The following SRP54 variants were observed in gnomAD, a reference collection of about 807,000 sequenced individuals.
The protein encoded by SRP54 is signal recognition particle 54, also known as signal recognition particle subunit SRP54.
SRP54 carries 10 observed loss-of-function variants against 64.8 expected under a neutral mutation model. That is an observed-to-expected ratio of 0.15 (90% CI 0.10 to 0.26). The LOEUF is 0.26. SRP54 is among the 10% of genes least tolerant of loss of function. The probability of loss-of-function intolerance (pLI) is 1.00; values close to 1 mark genes in which losing one functional copy is unlikely to be tolerated. For synonymous variants in SRP54, 193 were observed against 185.6 expected, an observed-to-expected ratio of 1.04 and a Z score of -0.32; for missense variants, 325 against 613.7, an observed-to-expected ratio of 0.53 and a Z score of 4.97.
intron 3 of SRP54, among the ~76,000 whole-genome samples, chr14:35,000,242 G>T (rs192652841): frequency 1.3e-3 from 200 of 152,236 alleles, no homozygotes; most frequent in South Asian, 3.1e-3. Flanking sequence ...ACTGAGATTA[G>T]TTGTGGGACT....
intron 10 of SRP54, among the ~76,000 whole-genome samples, chr14:35,014,285 T>TG (rs1555354840): frequency 9.8e-6 from 1 of 102,144 alleles, no homozygotes; most frequent in South Asian, 3.5e-4. Flanking sequence ...CTTTTTTTTT[T>TG]TTTTTTTTTG....
Position 34,996,736 on chromosome 14 carries a change from A to G in SRP54, c.27A>G (p.Lys9=), listed in dbSNP as rs2044078482. MVLADLGR[K]ITSALRSLSN... The stretch of plus-strand genomic sequence containing the variant: ...TGGTTCTAGCAGACCTTGGAAGAAA[A>G]ATAACATCAGCATTACGCTCGTTGA... The change falls in exon 2 of 16, where the codon AAA becomes AAG. Residue 9 remains lysine (K), a synonymous_variant. Coordinates refer to ENST00000216774, the MANE Select transcript of SRP54 (RefSeq NM_003136.4). 1.2e-6 allele frequency: 2 copies of G among 1,613,574 alleles called. No homozygotes were observed. The highest frequency in any genetic ancestry group is 1.3e-5 in the African/African-American group (1 of 74,916).
At chr14:35,005,905 T>C (rs1237393034) in intron 4 of SRP54, among the ~76,000 whole-genome samples, 1 of 152,148 alleles carries the variant, frequency 6.6e-6, no homozygotes, top group Non-Finnish European at 1.5e-5. Context: ...GGTGGCGCGA[T>C]CTCGGCTCAC....
At chr14:35,003,676 C>G (rs74564132) in intron 4 of SRP54, among the ~76,000 whole-genome samples, 2 of 149,826 alleles carry the variant, frequency 1.3e-5, no homozygotes, top group African/African-American at 4.9e-5. Flanking sequence ...CTCAGGTGAT[C>G]CCTACACCTG....
At chr14:35,016,840 CTTTTCTTTTT>C (rs2044448332) in intron 11 of SRP54, among the ~76,000 whole-genome samples, 1 of 71,616 alleles carries the variant, frequency 1.4e-5, no homozygotes, top group Admixed American at 1.5e-4. Flanking sequence ...CCTTTTTTTT[CTTTTCTTTTT>C]TTTTTTTTTT....
chr14:35,017,966 C>A (rs2139015579), intron 11 of SRP54, among the ~76,000 whole-genome samples: 1 of 152,150 alleles, frequency 6.6e-6, no homozygotes, highest in Admixed American at 6.6e-5. Context: ...TTAGAAAAAT[C>A]CAGTGGCATG....
chr14:34,984,467 T>C (rs2043862520), intron 1 of SRP54, among the ~76,000 whole-genome samples: 1 of 152,186 alleles, frequency 6.6e-6, no homozygotes, highest in African/African-American at 2.4e-5. Flanking sequence ...ATTGTCCCTA[T>C]ATGCCAACCA....
At chr14:35,007,133 C>T (rs2044269138) in intron 4 of SRP54, 150 bp from the exon 5 acceptor site, 4 of 383,040 alleles carry the variant, frequency 1.0e-5, no homozygotes, top group South Asian at 1.5e-4. Context: ...GTTGAGGCTG[C>T]AGTGAGCTCT....
chr14:35,010,836 G>A lies in SRP54; in HGVS notation c.486-673G>A, dbSNP rs546908730. 1.8e-4 allele frequency among the ~76,000 whole-genome samples: 28 copies of A among 152,110 alleles called. No homozygotes were observed. The South Asian group carries it at 5.4e-3, about 29-fold the overall frequency. ...AACGTCAAATGTCTAATAGTAGGGC[G>A]TTATTTAATAAATGATACAGCCATC... On this transcript the variant is annotated intron_variant, in intron 7 of 15. Transcript: ENST00000216774.
chr14:35,023,468 C>A (rs2139025022), intron 14 of SRP54, among the ~76,000 whole-genome samples: 1 of 151,912 alleles, frequency 6.6e-6, no homozygotes, highest in Admixed American at 6.6e-5. Flanking sequence ...ACTGTTTTTC[C>A]ATGTTGTCAA....
chr14:35,012,062 C>G (rs2044364418), intron 8 of SRP54, among the ~76,000 whole-genome samples: 1 of 151,794 alleles, frequency 6.6e-6, no homozygotes. Context: ...ACTAAAAATA[C>G]AAAAATTATC....
At chr14:35,015,535 A>T (rs1300125437) in intron 11 of SRP54, among the ~76,000 whole-genome samples, 1 of 152,158 alleles carries the variant, frequency 6.6e-6, no homozygotes. Context: ...CTGTTTTTGT[A>T]TCTCTGATCT....
rs1357918377 is a variant in SRP54, at chr14:35,019,090, A to C, written c.1156+16A>C. ...AATGATCAAGGTAAGATGGCAGATT[A>C]TTTTCCTCAGGCAAAAATGTTCTGA... On this transcript the variant is annotated intron_variant, in intron 13 of 15. Transcript: ENST00000216774. 1 of 1,582,838 alleles carries C rather than the reference A, an allele frequency of 6.3e-7. No individual in the cohort carries two copies. Among genetic ancestry groups the C allele is most frequent in the Admixed American group, 1.7e-5 (1 of 59,680 alleles).
At chr14:35,012,119 G>A (rs948273483) in intron 8 of SRP54, among the ~76,000 whole-genome samples, 1 of 151,196 alleles carries the variant, frequency 6.6e-6, no homozygotes, top group African/African-American at 2.4e-5. Flanking sequence ...TGGGAGCTGA[G>A]GCAGGAGAAT....
At chr14:35,021,830 A>C (rs977736928) in intron 13 of SRP54, among the ~76,000 whole-genome samples, 10 of 152,226 alleles carry the variant, frequency 6.6e-5, no homozygotes, top group Non-Finnish European at 1.2e-4. Flanking sequence ...ATTAAGACCA[A>C]GGCTAGATAA....
chr14:35,003,561 T>C (rs1446135576), intron 4 of SRP54, among the ~76,000 whole-genome samples: 2 of 116,814 alleles, frequency 1.7e-5, no homozygotes, highest in Non-Finnish European at 3.8e-5. Flanking sequence ...TTTGTTTTTT[T>C]GGTTTTTTTG....
intron 2 of SRP54, among the ~76,000 whole-genome samples, chr14:34,999,014 G>GTGTGTGTGTGTTT (rs2044128296): frequency 2.7e-5 from 1 of 36,664 alleles, no homozygotes. Flanking sequence ...TGTGTGTGTG[G>GTGTGTGTGTGTTT]TTTTTTTTTT....
intron 1 of SRP54, among the ~76,000 whole-genome samples, chr14:34,984,166 T>C (rs1236432412): frequency 6.6e-6 from 1 of 152,238 alleles, no homozygotes. Flanking sequence ...TAGAGTACTA[T>C]GCAAAAGCAT....
At chr14:34,988,669 T>C (rs1432177021) in intron 1 of SRP54, among the ~76,000 whole-genome samples, 1 of 148,330 alleles carries the variant, frequency 6.7e-6, no homozygotes, top group Non-Finnish European at 1.5e-5. Flanking sequence ...AAATTTACTT[T>C]TCTGTGGTCC....
Sources: gnomAD v4.1 joint callset for allele counts (sites outside exome capture counted in the v4.1 genomes callset) on GRCh38, gnomAD v4.1.1 for gene constraint, MANE v1.5 for transcripts, NCBI Gene and HGNC (gene_info 2026-07-23, HGNC 2026-07-21) for gene names.